Variants in DCAF8L2 observed in about 807,000 individuals in gnomAD.
DCAF8L2 encodes DDB1 and CUL4 associated factor 8 like 2, also known as DDB1- and CUL4-associated factor 8-like protein 2.
For missense variants in DCAF8L2, 430 were observed against 490.7 expected (o/e 0.88, Z 1.17); for synonymous variants, 200 against 190.9 (o/e 1.05, Z -0.39).
chrX:27,500,326 T>C, the DCAF8L2 span, among the ~76,000 whole-genome samples: 1 of 111,644 alleles, frequency 9.0e-6, no homozygotes, highest in Non-Finnish European at 1.9e-5. Context: ...AATATACCAA[T>C]TGGTAAAAAT....
the DCAF8L2 span, among the ~76,000 whole-genome samples, chrX:27,509,480 T>A: frequency 8.9e-6 from 1 of 112,514 alleles, no homozygotes; most frequent in African/African-American, 3.2e-5. Flanking sequence ...TTGTGACTTA[T>A]AAATAGTGAC....
intron 2 of DCAF8L2, among the ~76,000 whole-genome samples, chrX:27,657,838 A>T (rs2147208207): frequency 8.9e-6 from 1 of 112,531 alleles, no homozygotes; most frequent in South Asian, 3.6e-4. Context: ...ACATATAAAA[A>T]TTATAACTGA....
chrX:27,682,845 A>C (rs1032253986), intron 3 of DCAF8L2, among the ~76,000 whole-genome samples: 4 of 110,717 alleles, frequency 3.6e-5, no homozygotes, highest in African/African-American at 1.3e-4. Context: ...GACATATTTA[A>C]TAGTTCCTGT....
At chrX:27,526,951 C>T in the DCAF8L2 span, among the ~76,000 whole-genome samples, 1 of 112,530 alleles carries the variant, frequency 8.9e-6, no homozygotes, top group Admixed American at 9.4e-5. Flanking sequence ...GGGTGCCTCC[C>T]AGTTAGGCTA....
At chrX:27,562,426 A>T in the DCAF8L2 span, among the ~76,000 whole-genome samples, 1 of 112,447 alleles carries the variant, frequency 8.9e-6, no homozygotes, top group African/African-American at 3.2e-5. Context: ...CCTCGTAGCC[A>T]GTAGGGTGGT....
the DCAF8L2 span, among the ~76,000 whole-genome samples, chrX:27,528,291 A>G: frequency 3.7e-5 from 4 of 107,188 alleles, no homozygotes; most frequent in South Asian, 3.9e-4. Context: ...TCTGTTTACT[A>G]TGCTCTTGTG....
At chrX:27,522,269 C>T in the DCAF8L2 span, among the ~76,000 whole-genome samples, 2 of 111,972 alleles carry the variant, frequency 1.8e-5, no homozygotes, top group Admixed American at 9.5e-5. Context: ...TCAGGTGATC[C>T]GCCTGCCTCG....
chrX:27,631,992 C>T lies in DCAF8L2; in HGVS notation c.-228C>T, dbSNP rs1928307645. On this transcript the variant is annotated 5_prime_UTR_variant, in exon 2 of 5. Coordinates refer to ENST00000451261, the MANE Select transcript of DCAF8L2 (RefSeq NM_001353450.2). Reference sequence around the variant, plus strand: ...TTCCTGTGACAGACCTTGGGAAGCTCAATCTCAGGTAAAGCCTGGAGTCTG... The same window carrying T: ...TTCCTGTGACAGACCTTGGGAAGCTTAATCTCAGGTAAAGCCTGGAGTCTG... The T allele has an allele frequency of 9.0e-6, 1 of 110,529 alleles. No homozygotes were observed. Among genetic ancestry groups the T allele is most frequent in the Non-Finnish European group, 1.9e-5 (1 of 52,939 alleles). 9.1% of individuals were successfully genotyped at this position (110,529 alleles called of 1,213,427 possible).
At chrX:27,625,877 A>G (rs917971747) in intron 1 of DCAF8L2, among the ~76,000 whole-genome samples, 1 of 111,009 alleles carries the variant, frequency 9.0e-6, no homozygotes, top group African/African-American at 3.3e-5. Context: ...GGGTGGGAGG[A>G]GGGTGAGGAC....
chrX:27,567,039 C>T, the DCAF8L2 span, among the ~76,000 whole-genome samples: 15 of 111,051 alleles, frequency 1.4e-4, no homozygotes, highest in East Asian at 3.7e-3. Flanking sequence ...TCCACTTTTC[C>T]TACTGTTAAT....
At chrX:27,670,646 T>C (rs1407970601) in intron 2 of DCAF8L2, among the ~76,000 whole-genome samples, 3 of 111,217 alleles carry the variant, frequency 2.7e-5, no homozygotes, top group African/African-American at 9.8e-5. Flanking sequence ...CAACAAGTCT[T>C]ATGTTGAAAT....
At chrX:27,530,130 C>T in the DCAF8L2 span, among the ~76,000 whole-genome samples, 2 of 111,143 alleles carry the variant, frequency 1.8e-5, no homozygotes, top group Admixed American at 1.9e-4. Flanking sequence ...ATAAAGAGAA[C>T]ATATTCTTAG....
Position 27,747,386 on chromosome X carries a change from C to T in DCAF8L2, c.491C>T (p.Ser164Leu), listed in dbSNP as rs1210887159. The change falls in exon 5 of 5, where the codon TCG (serine) becomes TTG (leucine). Residue 164 changes from serine (S) to leucine (L), a missense_variant. Ser to Leu is a moderately radical substitution (Grantham distance 145). Transcript: ENST00000451261. ...AGTGGCGGCAACCATGAGCAGTATT[C>T]GTTAGAGGAGGATCAGGCGCTGGAG... is the stretch of plus-strand genomic sequence containing the variant. ...QGSGGNHEQY[S>L]LEEDQALEEW... 1.6e-5 allele frequency: 19 copies of T among 1,163,556 alleles called. No homozygotes were observed. The highest frequency in any genetic ancestry group is 2.2e-5 in the Non-Finnish European group (19 of 872,501).
chrX:27,710,131 A>G (rs1343781535), intron 3 of DCAF8L2, among the ~76,000 whole-genome samples: 1 of 111,346 alleles, frequency 9.0e-6, no homozygotes, highest in Non-Finnish European at 1.9e-5. Flanking sequence ...TTTTCTGTAC[A>G]TTGTACTGTT....
At chrX:27,713,575 G>GT (rs2147286384) in intron 3 of DCAF8L2, among the ~76,000 whole-genome samples, 1 of 111,920 alleles carries the variant, frequency 8.9e-6, no homozygotes, top group South Asian at 3.7e-4. Context: ...AGTAAAAAAG[G>GT]TATTAATGTT....
rs1260158420 is a variant in DCAF8L2, at chrX:27,699,856, A to G, written c.-142-16232A>G. Among the ~76,000 whole-genome samples, 5 of 110,761 alleles carry G rather than the reference A, an allele frequency of 4.5e-5. No individual in the cohort carries two copies. The South Asian group carries it at 1.9e-3, about 43-fold the overall frequency. ...AGCCTGGGCAACATAGGGATATTCC[A>G]TCTCTACAAAAATAAAAATAAAACA... On this transcript the variant is annotated intron_variant, in intron 3 of 4. Coordinates refer to ENST00000451261, the MANE Select transcript of DCAF8L2 (RefSeq NM_001353450.2).
chrX:27,587,985 A>AAAAAAAAAAATATATATATATAT, upstream of DCAF8L2, among the ~76,000 whole-genome samples: 3 of 22,358 alleles, frequency 1.3e-4, no homozygotes, highest in African/African-American at 3.0e-4. Context: ...TAAAAAAAAA[A>AAAAAAAAAAATATATATATATAT]ATATATATAT....
the DCAF8L2 span, among the ~76,000 whole-genome samples, chrX:27,481,494 T>A: frequency 0.016 from 1,806 of 111,885 alleles, 19 homozygotes; most frequent in Non-Finnish European, 0.025. Context: ...TTTAAATATG[T>A]ATTTAAACAT....
At chrX:27,548,154 G>C in the DCAF8L2 span, among the ~76,000 whole-genome samples, 2 of 110,023 alleles carry the variant, frequency 1.8e-5, no homozygotes, top group African/African-American at 6.6e-5. Flanking sequence ...ACTTCATAAA[G>C]GACATAATAA....
Sources: gnomAD v4.1 joint callset for allele counts (sites outside exome capture counted in the v4.1 genomes callset) on GRCh38, gnomAD v4.1.1 for gene constraint, MANE v1.5 for transcripts, NCBI Gene and HGNC (gene_info 2026-07-23, HGNC 2026-07-21) for gene names.